Variants in RAB33A observed in about 807,000 individuals in gnomAD.
RAB33A encodes ras-related protein Rab-33A.
A neutral mutation model predicts 12.0 loss-of-function variants in RAB33A; 6 were observed. The observed-to-expected ratio is 0.50, with a 90% confidence interval of 0.27 to 0.99. The LOEUF is 0.99. RAB33A is among the 50% of genes least tolerant of loss of function. RAB33A has a pLI of 0.11. For synonymous variants in RAB33A, 70 were observed against 82.4 expected (o/e 0.85, Z 0.81); for missense variants, 109 against 192.0 (o/e 0.57, Z 2.55).
the RAB33A span, among the ~76,000 whole-genome samples, chrX:130,122,551 G>T: frequency 8.9e-6 from 1 of 112,347 alleles, no homozygotes; most frequent in African/African-American, 3.2e-5. Flanking sequence ...TATGGAAATG[G>T]CCATGGACTA....
At chrX:130,129,011 T>C in the RAB33A span, among the ~76,000 whole-genome samples, 1 of 112,359 alleles carries the variant, frequency 8.9e-6, no homozygotes, top group East Asian at 2.8e-4. Flanking sequence ...GATAAAACCA[T>C]GAGCAAGGCC....
At chrX:130,133,566 A>C in the RAB33A span, 2 of 950,470 alleles carry the variant, frequency 2.1e-6, no homozygotes, top group Non-Finnish European at 3.0e-6. Context: ...TAACTAATTC[A>C]TGTTTTCCAT....
At chrX:130,143,714 A>T in the RAB33A span, among the ~76,000 whole-genome samples, 1 of 109,156 alleles carries the variant, frequency 9.2e-6, no homozygotes, top group African/African-American at 3.4e-5. Flanking sequence ...AAAAATAGCC[A>T]GGCATGGTGG....
the RAB33A span, among the ~76,000 whole-genome samples, chrX:130,117,279 A>G: frequency 8.9e-6 from 1 of 112,602 alleles, no homozygotes; most frequent in Admixed American, 9.4e-5. Flanking sequence ...AAGCCCCTAC[A>G]AAACTTCAGA....
chrX:130,130,262 G>A, the RAB33A span: 5 of 1,002,781 alleles, frequency 5.0e-6, no homozygotes, highest in Admixed American at 1.1e-4. Context: ...AGTCTTTCGA[G>A]GCCTGCTTCA....
chrX:130,137,368 G>A, the RAB33A span: 5 of 1,154,440 alleles, frequency 4.3e-6, no homozygotes, highest in Non-Finnish European at 4.6e-6. Context: ...CATTTGTAAC[G>A]CAAATACAAC....
At chrX:130,142,510 T>G in the RAB33A span, among the ~76,000 whole-genome samples, 4 of 112,016 alleles carry the variant, frequency 3.6e-5, no homozygotes, top group Non-Finnish European at 7.5e-5. Context: ...ATTAACATGC[T>G]TGTCCCATCC....
the RAB33A span, chrX:130,129,900 C>T: frequency 7.7e-6 from 9 of 1,163,527 alleles, no homozygotes; most frequent in Admixed American, 1.7e-4. Context: ...TCAGGGCACC[C>T]GATGAAGTTA....
chrX:130,158,830 G>C, the RAB33A span, among the ~76,000 whole-genome samples: 3 of 110,377 alleles, frequency 2.7e-5, no homozygotes, highest in Non-Finnish European at 5.7e-5. Context: ...TTATGTCCCT[G>C]TCCTGTCTAG....
At chrX:130,149,380 C>T in the RAB33A span, 3 of 752,672 alleles carry the variant, frequency 4.0e-6, no homozygotes, top group African/African-American at 6.2e-5. Flanking sequence ...ATTGCTTCTA[C>T]AAGACATCCA....
chrX:130,163,272 T>C, the RAB33A span, among the ~76,000 whole-genome samples: 2 of 98,929 alleles, frequency 2.0e-5, no homozygotes, highest in African/African-American at 3.9e-5. Flanking sequence ...ATCGTGCCAC[T>C]GCACTCTGGG....
chrX:130,155,271 T>C, the RAB33A span: 1 of 1,210,119 alleles, frequency 8.3e-7, no homozygotes, highest in Non-Finnish European at 1.1e-6. Context: ...GGATCCTAGG[T>C]GATGAGACTG....
chrX:130,120,234 G>GT, the RAB33A span, among the ~76,000 whole-genome samples: 3,644 of 108,736 alleles, frequency 0.034, 155 homozygotes, highest in African/African-American at 0.11. Flanking sequence ...TTTGTTTTTT[G>GT]TTTTTTTTTC....
chrX:130,147,085 C>T, the RAB33A span, among the ~76,000 whole-genome samples: 2 of 111,545 alleles, frequency 1.8e-5, no homozygotes, highest in African/African-American at 3.3e-5. Flanking sequence ...TTGCTTGAAC[C>T]CGGGAGGTGG....
At chrX:130,147,371 G>C in the RAB33A span, 92 of 884,111 alleles carry the variant, frequency 1.0e-4, no homozygotes, top group East Asian at 2.8e-3. Flanking sequence ...GTGGACCACA[G>C]TAGACTCTAG....
At chrX:130,121,252 CTT>C in the RAB33A span, among the ~76,000 whole-genome samples, 30 of 94,741 alleles carry the variant, frequency 3.2e-4, no homozygotes, top group Middle Eastern at 5.2e-3. Flanking sequence ...CTTTTCTTTT[CTT>C]TTTTTTTTTT....
At chrX:130,116,453 T>C in the RAB33A span, among the ~76,000 whole-genome samples, 8 of 111,284 alleles carry the variant, frequency 7.2e-5, no homozygotes, top group Non-Finnish European at 1.1e-4. Context: ...ATCACCATGC[T>C]CAGCTAATTT....
the RAB33A span, among the ~76,000 whole-genome samples, chrX:130,122,655 G>A: frequency 1.8e-5 from 2 of 112,025 alleles, no homozygotes; most frequent in African/African-American, 3.2e-5. Context: ...CTTGGTATTA[G>A]GTTGAAAGCC....
rs1367595344 is a variant in RAB33A, at chrX:130,172,091, G to A, written c.29G>A (p.Ser10Asn). 6 of 1,210,804 alleles carry A rather than the reference G, an allele frequency of 5.0e-6. No homozygotes were observed. In the South Asian group the frequency reaches 5.3e-5, roughly 11 times the overall value. ...GCGCAGCCCATCCTGGGCCATGGGAGCCTGCAGCCCGCCTCGGCCGCTGGC... is the reference window on the plus strand; with the variant it reads ...GCGCAGCCCATCCTGGGCCATGGGAACCTGCAGCCCGCCTCGGCCGCTGGC... MAQPILGHG[S>N]LQPASAAGLA... Residue 10 changes from serine (S) to asparagine (N), a missense_variant, in exon 1 of 2, where the codon AGC (serine) becomes AAC (asparagine). Ser to Asn is a conservative substitution (Grantham distance 46). Transcript: ENST00000257017.
Sources: gnomAD v4.1 joint callset for allele counts (sites outside exome capture counted in the v4.1 genomes callset) on GRCh38, gnomAD v4.1.1 for gene constraint, MANE v1.5 for transcripts, NCBI Gene and HGNC (gene_info 2026-07-23, HGNC 2026-07-21) for gene names.